The following PKIG variants were observed in gnomAD, a reference collection of about 807,000 sequenced individuals.
PKIG encodes the protein protein kinase (cAMP-dependent, catalytic) inhibitor gamma.
A neutral mutation model predicts 6.8 loss-of-function variants in PKIG; 1 was observed. The observed-to-expected ratio is 0.15, with a 90% confidence interval of 0.05 to 0.69. The LOEUF (loss-of-function observed/expected upper bound fraction) is 0.69. Among genes scored for constraint, PKIG ranks in the 30% least tolerant of loss-of-function variants. The pLI is 0.82. For synonymous variants in PKIG, 39 were observed against 43.0 expected (o/e 0.91, Z 0.36); for missense variants, 77 against 104.0 (o/e 0.74, Z 1.13).
chr20:44,575,846 G>T (rs2064892231), intron 1 of PKIG, among the ~76,000 whole-genome samples: 1 of 152,154 alleles, frequency 6.6e-6, no homozygotes, highest in Non-Finnish European at 1.5e-5. Flanking sequence ...GACCTTCAGT[G>T]GATCCCTTAA....
chr20:44,551,272 T>C (rs1264007278), intron 1 of PKIG, among the ~76,000 whole-genome samples: 1 of 152,184 alleles, frequency 6.6e-6, no homozygotes, highest in Non-Finnish European at 1.5e-5. Flanking sequence ...GCCAGGATAG[T>C]CTTGATCTCC....
upstream of PKIG, among the ~76,000 whole-genome samples, chr20:44,580,432 A>G (rs1391205935): frequency 2.0e-5 from 3 of 151,610 alleles, no homozygotes; most frequent in Admixed American, 6.6e-5. Flanking sequence ...TGCAACCTCC[A>G]TCTCCTGGGT....
upstream of PKIG, among the ~76,000 whole-genome samples, chr20:44,577,733 T>C (rs777215726): frequency 1.7e-4 from 26 of 152,216 alleles, no homozygotes; most frequent in Non-Finnish European, 3.7e-4. Context: ...TGATGGGTGA[T>C]GAGCGATTGC....
chr20:44,562,955 C>A (rs1365274225), intron 1 of PKIG, among the ~76,000 whole-genome samples: 1 of 151,822 alleles, frequency 6.6e-6, no homozygotes, highest in Non-Finnish European at 1.5e-5. Flanking sequence ...GAGACTGAAG[C>A]AGGAGAATCG....
At chr20:44,559,782 T>C (rs536696544) in intron 1 of PKIG, among the ~76,000 whole-genome samples, 1 of 152,386 alleles carries the variant, frequency 6.6e-6, no homozygotes, top group East Asian at 1.9e-4. Context: ...GATTGTCATA[T>C]TCAATTTTTT....
chr20:44,608,787 G>A (rs1249994928), intron 2 of PKIG, among the ~76,000 whole-genome samples: 1 of 121,324 alleles, frequency 8.2e-6, no homozygotes, highest in Non-Finnish European at 1.7e-5. Flanking sequence ...GTGACACAGC[G>A]AGACCCTGTC....
intron 2 of PKIG, among the ~76,000 whole-genome samples, chr20:44,611,662 G>A (rs574800111): frequency 1.1e-3 from 166 of 151,754 alleles, no homozygotes; most frequent in African/African-American, 3.1e-3. Flanking sequence ...GACTACAGGC[G>A]CCTGCCACCA....
At chr20:44,592,672 C>G (rs1420461846) in intron 2 of PKIG, among the ~76,000 whole-genome samples, 2 of 152,182 alleles carry the variant, frequency 1.3e-5, no homozygotes, top group Admixed American at 1.3e-4. Flanking sequence ...ACCGTGGACA[C>G]TGAAGTCACT....
chr20:44,552,243 A>G lies in PKIG; in HGVS notation c.-241+20265A>G, dbSNP rs1408494652. Among the ~76,000 whole-genome samples, 4 of 152,238 alleles carry G rather than the reference A, an allele frequency of 2.6e-5. No homozygotes were observed. In the East Asian group the frequency reaches 7.7e-4, roughly 29 times the overall value. On this transcript the variant is annotated intron_variant, in intron 1 of 4. Transcript: ENST00000372887. ...CGCGTATTTCTCAAAGCCATCCATC[A>G]GGATACAATCTAAATCATCACAGCA...
intron 1 of PKIG, among the ~76,000 whole-genome samples, chr20:44,568,760 A>G (rs1199559557): frequency 6.6e-6 from 1 of 151,642 alleles, no homozygotes; most frequent in African/African-American, 2.4e-5. Flanking sequence ...TTATGTGACT[A>G]TTTTTTTTAA....
At chr20:44,546,672 C>T (rs772532345) in intron 1 of PKIG, among the ~76,000 whole-genome samples, 17 of 151,822 alleles carry the variant, frequency 1.1e-4, no homozygotes, top group South Asian at 2.1e-4. Context: ...CCTGCCTCAG[C>T]CCCCCGGGTA....
chr20:44,540,401 T>C (rs948289177), intron 1 of PKIG, among the ~76,000 whole-genome samples: 1 of 152,222 alleles, frequency 6.6e-6, no homozygotes, highest in Admixed American at 6.5e-5. Flanking sequence ...ATTGATTCAT[T>C]TTAGAATTTC....
chr20:44,600,299 G>C (rs1160383000), intron 2 of PKIG, among the ~76,000 whole-genome samples: 1 of 152,204 alleles, frequency 6.6e-6, no homozygotes, highest in Non-Finnish European at 1.5e-5. Flanking sequence ...CATCAGGAGA[G>C]TGGATTTCAC....
intron 1 of PKIG, among the ~76,000 whole-genome samples, chr20:44,573,139 A>G (rs987690397): frequency 2.6e-5 from 4 of 152,248 alleles, no homozygotes; most frequent in East Asian, 1.9e-4. Flanking sequence ...CCAGCAACTC[A>G]TCTGCTCTGT....
chr20:44,555,539 T>C (rs936080485), intron 1 of PKIG, among the ~76,000 whole-genome samples: 2 of 152,242 alleles, frequency 1.3e-5, no homozygotes, highest in Non-Finnish European at 1.5e-5. Context: ...TTAGATAAGT[T>C]ACAGAGTAGT....
At chr20:44,580,250 T>C (rs964510107), upstream of PKIG, among the ~76,000 whole-genome samples, 4 of 152,122 alleles carry the variant, frequency 2.6e-5, no homozygotes, top group African/African-American at 9.7e-5. Context: ...AGCAAGAAGG[T>C]CTAGGGACCA....
At chr20:44,615,409 A>G (rs1034257484) in intron 3 of PKIG, among the ~76,000 whole-genome samples, 5 of 152,276 alleles carry the variant, frequency 3.3e-5, no homozygotes, top group Non-Finnish European at 5.9e-5. Flanking sequence ...CCGGGAGGGC[A>G]GAGGCCTTGC....
chr20:44,590,620 C>A (rs1263037363), intron 2 of PKIG, among the ~76,000 whole-genome samples: 14 of 152,212 alleles, frequency 9.2e-5, no homozygotes, highest in Non-Finnish European at 1.5e-5. Context: ...CCACAGAGAT[C>A]TTTTCACCCA....
At chr20:44,617,912 C>A (rs920847208) in intron 3 of PKIG, among the ~76,000 whole-genome samples, 96 of 148,060 alleles carry the variant, frequency 6.5e-4, no homozygotes, top group Middle Eastern at 3.5e-3. Context: ...AAAAAACAAA[C>A]AAACAGAACA....
Sources: allele counts gnomAD v4.1 joint callset (sites outside exome capture counted in the v4.1 genomes callset), GRCh38; gene constraint gnomAD v4.1.1; transcripts MANE v1.5; gene names NCBI Gene and HGNC (gene_info 2026-07-23, HGNC 2026-07-21).